DLGAP2: variants seen among roughly 807,000 people sequenced by gnomAD.
DLGAP2 encodes disks large-associated protein 2.
A neutral mutation model predicts 100.3 loss-of-function variants in DLGAP2; 26 were observed. The observed-to-expected ratio is 0.26, with a 90% CI of 0.19 to 0.36. DLGAP2 has a LOEUF of 0.36. DLGAP2 is among the 10% of genes least tolerant of loss of function. The pLI, the probability that DLGAP2 is intolerant of heterozygous loss-of-function variation, is 1.00. For missense variants in DLGAP2, 1,858 were observed against 1,453.2 expected, an observed-to-expected ratio of 1.28 and a Z score of -4.53; for synonymous variants, 886 against 630.1, an observed-to-expected ratio of 1.41 and a Z score of -6.08.
At chr8:1,363,835 G>A (rs989233875) in intron 3 of DLGAP2, among the ~76,000 whole-genome samples, 4 of 152,132 alleles carry the variant, frequency 2.6e-5, no homozygotes, top group Non-Finnish European at 5.9e-5. Context: ...GCTGCCCGTG[G>A]CAGGCCTGGC....
chr8:1,641,243 G>A (rs1371172693), intron 8 of DLGAP2, among the ~76,000 whole-genome samples: 2 of 152,160 alleles, frequency 1.3e-5, no homozygotes, highest in African/African-American at 2.4e-5. Flanking sequence ...CAGATAAATC[G>A]TGCATCTGTA....
chr8:767,367 T>TG (rs1279424695), intron 1 of DLGAP2, among the ~76,000 whole-genome samples: 1 of 150,998 alleles, frequency 6.6e-6, no homozygotes, highest in African/African-American at 2.4e-5. Flanking sequence ...TTTTTTTTTT[T>TG]TGAGACAGAG....
chr8:1,683,852 ATATATG>A (rs1478828485), intron 12 of DLGAP2, among the ~76,000 whole-genome samples: 4 of 72,558 alleles, frequency 5.5e-5, no homozygotes, highest in Admixed American at 1.5e-4. Flanking sequence ...ATATATATAT[ATATATG>A]TGTGTGTGTG....
At chr8:996,165 G>C (rs2174099) in intron 2 of DLGAP2, among the ~76,000 whole-genome samples, 30,673 of 152,146 alleles carry the variant, frequency 0.2, 3,259 homozygotes, top group Admixed American at 0.25. Flanking sequence ...CCAGAGCTGA[G>C]AGAGGACTCA....
chr8:1,234,650 T>G (rs577563579), intron 2 of DLGAP2, among the ~76,000 whole-genome samples: 1 of 152,178 alleles, frequency 6.6e-6, no homozygotes, highest in Admixed American at 6.5e-5. Context: ...ATCCCGTCTC[T>G]GGAACAGATC....
At chr8:1,556,110 G>A (rs1563219187) in intron 5 of DLGAP2, among the ~76,000 whole-genome samples, 1 of 152,228 alleles carries the variant, frequency 6.6e-6, no homozygotes. Flanking sequence ...ACCTGTGACT[G>A]GGTCCTTGGA....
intron 2 of DLGAP2, among the ~76,000 whole-genome samples, chr8:1,217,030 GT>G (rs1392563414): frequency 6.6e-6 from 1 of 152,086 alleles, no homozygotes; most frequent in East Asian, 1.9e-4. Flanking sequence ...CCTAGCTGGG[GT>G]TTGGTGTACA....
chr8:1,624,490 C>T (rs188142756), intron 6 of DLGAP2, among the ~76,000 whole-genome samples: 1 of 151,882 alleles, frequency 6.6e-6, no homozygotes, highest in African/African-American at 2.4e-5. Context: ...GCAGTGGTCT[C>T]TTACAGAATG....
chr8:1,176,785 G>C (rs994565884), intron 2 of DLGAP2, among the ~76,000 whole-genome samples: 2 of 152,194 alleles, frequency 1.3e-5, no homozygotes, highest in African/African-American at 4.8e-5. Context: ...GTGGAAAGAG[G>C]TCTCGGTTGG....
At chr8:1,269,569 T>G (rs1202530470) in intron 3 of DLGAP2, among the ~76,000 whole-genome samples, 2 of 152,172 alleles carry the variant, frequency 1.3e-5, no homozygotes, top group Non-Finnish European at 2.9e-5. Flanking sequence ...AATCCCTAAT[T>G]GTGCTCTCCT....
At chr8:845,310 T>C (rs1052783862) in intron 1 of DLGAP2, among the ~76,000 whole-genome samples, 4 of 152,210 alleles carry the variant, frequency 2.6e-5, no homozygotes, top group African/African-American at 7.2e-5. Context: ...GCACTTGTTA[T>C]TTGGCTTTTT....
intron 3 of DLGAP2, among the ~76,000 whole-genome samples, chr8:1,477,649 A>T (rs536101564): frequency 6.6e-6 from 1 of 152,192 alleles, no homozygotes; most frequent in African/African-American, 2.4e-5. Flanking sequence ...GCCCATCTGC[A>T]CCCAGGAATG....
At chr8:1,017,952 T>A (rs1358090826) in intron 2 of DLGAP2, among the ~76,000 whole-genome samples, 1 of 152,214 alleles carries the variant, frequency 6.6e-6, no homozygotes, top group African/African-American at 2.4e-5. Context: ...TTGGGGCCAC[T>A]TTCCTAGTTG....
intron 2 of DLGAP2, among the ~76,000 whole-genome samples, chr8:919,307 C>G (rs776420404): frequency 3.3e-5 from 5 of 152,146 alleles, no homozygotes; most frequent in African/African-American, 7.2e-5. Context: ...GCTGGGGTAG[C>G]TGAGACAGAG....
chr8:1,537,444 C>G (rs1007639796), intron 4 of DLGAP2, among the ~76,000 whole-genome samples: 1 of 152,120 alleles, frequency 6.6e-6, no homozygotes, highest in Non-Finnish European at 1.5e-5. Flanking sequence ...AAACCCTTCC[C>G]TGATTCTCCC....
At chr8:952,689 A>G (rs1799509634) in intron 2 of DLGAP2, among the ~76,000 whole-genome samples, 1 of 152,176 alleles carries the variant, frequency 6.6e-6, no homozygotes, top group Non-Finnish European at 1.5e-5. Context: ...TTAATAAAAG[A>G]AACAGGTATA....
chr8:1,334,962 C>T (rs1433684323), intron 3 of DLGAP2, among the ~76,000 whole-genome samples: 2 of 152,210 alleles, frequency 1.3e-5, no homozygotes, highest in African/African-American at 2.4e-5. Flanking sequence ...TCCCGGGACC[C>T]AGCCCTCGCA....
intron 14 of DLGAP2, among the ~76,000 whole-genome samples, chr8:1,700,576 C>G (rs964291766): frequency 1.3e-5 from 2 of 152,078 alleles, no homozygotes; most frequent in African/African-American, 4.8e-5. Context: ...CGTGACTTAT[C>G]TGAGAGTCTG....
intron 2 of DLGAP2, among the ~76,000 whole-genome samples, chr8:1,122,679 T>C (rs1410480482): frequency 6.6e-6 from 1 of 152,168 alleles, no homozygotes; most frequent in Non-Finnish European, 1.5e-5. Context: ...AATTATTTTT[T>C]AGTTGATAAA....
Sources: allele counts gnomAD v4.1 joint callset (sites outside exome capture counted in the v4.1 genomes callset), GRCh38; gene constraint gnomAD v4.1.1; transcripts MANE v1.5; gene names NCBI Gene and HGNC (gene_info 2026-07-23, HGNC 2026-07-21).